CRYM: variants seen among roughly 807,000 people sequenced by gnomAD.
CRYM encodes crystallin mu.
In CRYM, 18 loss-of-function variants were observed where a neutral mutation model predicts 32.9. The ratio of observed to expected loss-of-function variants is 0.55; its 90% CI spans 0.38 to 0.81. CRYM has a LOEUF of 0.81. Among genes scored for constraint, CRYM ranks in the 30% least tolerant of loss-of-function variants. The pLI, the probability that CRYM is intolerant of heterozygous loss-of-function variation, is 0.00. For synonymous variants in CRYM, 153 were observed against 152.4 expected (o/e 1.00, Z -0.03); for missense variants, 337 against 393.5 (o/e 0.86, Z 1.21).
At chr16:21,262,260 C>T (rs1369694966) in intron 5 of CRYM, 102 bp from the exon 6 acceptor site, 1 of 1,462,956 alleles carries the variant, frequency 6.8e-7, no homozygotes, top group East Asian at 2.3e-5. Context: ...CGTGAACACA[C>T]TCAGATTCAA....
intron 1 of CRYM, among the ~76,000 whole-genome samples, chr16:21,290,471 C>T (rs1960615191): frequency 6.6e-6 from 1 of 152,094 alleles, no homozygotes; most frequent in Non-Finnish European, 1.5e-5. Context: ...CTGGACACAC[C>T]ATCTTTAAGA....
intron 1 of CRYM, among the ~76,000 whole-genome samples, chr16:21,296,623 T>C (rs1405292838): frequency 6.6e-6 from 1 of 152,188 alleles, no homozygotes; most frequent in Non-Finnish European, 1.5e-5. Flanking sequence ...TTTATATATG[T>C]AGACAAAAAA....
At chr16:21,296,413 G>A (rs939038095) in intron 1 of CRYM, among the ~76,000 whole-genome samples, 2 of 152,138 alleles carry the variant, frequency 1.3e-5, no homozygotes, top group East Asian at 1.9e-4. Context: ...AATTATGAAA[G>A]CAGTCCACAA....
At chr16:21,289,020 C>T (rs1372744269) in intron 1 of CRYM, among the ~76,000 whole-genome samples, 3 of 151,852 alleles carry the variant, frequency 2.0e-5, no homozygotes, top group African/African-American at 7.3e-5. Context: ...AATGGTCTGT[C>T]CTGGATAATT....
intron 1 of CRYM, among the ~76,000 whole-genome samples, chr16:21,289,685 C>T (rs1960569964): frequency 1.3e-5 from 2 of 152,126 alleles, no homozygotes; most frequent in African/African-American, 2.4e-5. Flanking sequence ...GACACCCTCT[C>T]TTCTGTCAAA....
Position 21,277,669 on chromosome 16 carries a change from T to C in CRYM, c.171-85A>G. ...AGTATCCATATACTTTCCTTTTTCT[T>C]TCCTTCCTCACCACCCCACTGGCCC... On this transcript the variant is annotated intron_variant, in intron 1 of 7. Transcript: ENST00000572914. This position sits in a 1 kb window ranked among gnomAD's most constrained non-coding sequence, Gnocchi z 4.2. 1 of 1,506,150 alleles carries C rather than the reference T, an allele frequency of 6.6e-7. No homozygotes were observed. Among genetic ancestry groups the C allele is most frequent in the Non-Finnish European group, 9.1e-7 (1 of 1,100,914 alleles). 93.3% of individuals were successfully genotyped at this position (1,506,150 alleles called of 1,614,324 possible). A position where few individuals can be genotyped will look rare whatever the true frequency, so the allele number is the denominator to read the frequency against.
At chr16:21,297,741 TA>T (rs1960818309) in intron 1 of CRYM, among the ~76,000 whole-genome samples, 1 of 152,202 alleles carries the variant, frequency 6.6e-6, no homozygotes, top group African/African-American at 2.4e-5. Context: ...CATTGACATG[TA>T]ATTACAGAAC....
At chr16:21,274,698 T>C (rs979057310) in intron 3 of CRYM, among the ~76,000 whole-genome samples, 1 of 152,160 alleles carries the variant, frequency 6.6e-6, no homozygotes, top group Non-Finnish European at 1.5e-5. Context: ...CTCTGCCTCC[T>C]GAGTTCAAAC....
At chr16:21,290,310 A>C (rs1307823794) in intron 1 of CRYM, among the ~76,000 whole-genome samples, 3 of 152,126 alleles carry the variant, frequency 2.0e-5, no homozygotes, top group Admixed American at 2.0e-4. Flanking sequence ...CCACGAACCC[A>C]CCGGGAGGGA....
intron 7 of CRYM, among the ~76,000 whole-genome samples, chr16:21,260,072 GACATTT>G (rs2093351470): frequency 6.6e-6 from 1 of 152,118 alleles, no homozygotes; most frequent in African/African-American, 2.4e-5. Flanking sequence ...AGATTTTAAA[GACATTT>G]ACCAACCTGC....
chr16:21,273,935 G>T (rs939223332), intron 3 of CRYM, among the ~76,000 whole-genome samples: 1 of 152,170 alleles, frequency 6.6e-6, no homozygotes, highest in African/African-American at 2.4e-5. Context: ...GTTCATTGAG[G>T]TGGGTGCTGT....
At chr16:21,278,379 G>A (rs2093392045), upstream of CRYM, 2 of 1,225,326 alleles carry the variant, frequency 1.6e-6, no homozygotes, top group Admixed American at 4.0e-5. Context: ...TCCGGGGGCG[G>A]AGCAACCCCG....
intron 4 of CRYM, among the ~76,000 whole-genome samples, chr16:21,268,022 A>G (rs2093367698): frequency 6.6e-6 from 1 of 152,346 alleles, no homozygotes; most frequent in Admixed American, 6.5e-5. Context: ...AGCCTCAGTA[A>G]CTTCATAGCT....
chr16:21,286,741 A>G (rs976945901), intron 1 of CRYM, among the ~76,000 whole-genome samples: 2 of 152,188 alleles, frequency 1.3e-5, no homozygotes, highest in South Asian at 2.1e-4. Flanking sequence ...TAATTTTAAC[A>G]TATTAAATAA....
intron 1 of CRYM, 29 bp downstream of exon 1, chr16:21,278,053 T>C (rs1024212872): frequency 7.8e-5 from 120 of 1,532,392 alleles, no homozygotes; most frequent in Non-Finnish European, 1.0e-4. Flanking sequence ...CAGTTTCTCC[T>C]GCCCCTGACC....
chr16:21,268,647 T>G (rs1246444507), intron 4 of CRYM: 1 of 152,178 alleles, frequency 6.6e-6, no homozygotes, highest in Non-Finnish European at 1.5e-5. Flanking sequence ...CCCTTCTTGA[T>G]AGAAGACTAT....
intron 1 of CRYM, among the ~76,000 whole-genome samples, chr16:21,301,713 C>T (rs996842453): frequency 2.0e-5 from 3 of 152,254 alleles, no homozygotes; most frequent in Non-Finnish European, 4.4e-5. Context: ...GCTCCGCGCA[C>T]TGCGCGCCCC....
chr16:21,262,816 C>T (rs1331426912), intron 5 of CRYM, among the ~76,000 whole-genome samples: 1 of 152,122 alleles, frequency 6.6e-6, no homozygotes, highest in African/African-American at 2.4e-5. Flanking sequence ...AACAGATGCA[C>T]GAATGGAGGC....
At chr16:21,280,629 C>G (rs756064695), upstream of CRYM, among the ~76,000 whole-genome samples, 2 of 152,146 alleles carry the variant, frequency 1.3e-5, no homozygotes, top group Admixed American at 6.5e-5. Context: ...AATACGATAA[C>G]AAATTATAAA....
Sources: allele counts gnomAD v4.1 joint callset (sites outside exome capture counted in the v4.1 genomes callset), GRCh38; gene constraint gnomAD v4.1.1; non-coding constraint Gnocchi (gnomAD v3.1); transcripts MANE v1.5; gene names NCBI Gene and HGNC (gene_info 2026-07-23, HGNC 2026-07-21).